EXT2: variants seen among roughly 807,000 people sequenced by gnomAD.
The protein encoded by EXT2 is exostosin-2.
In EXT2, 53 loss-of-function variants were observed where a neutral mutation model predicts 81.6. The ratio of observed to expected loss-of-function variants is 0.65; its 90% CI spans 0.52 to 0.82. The LOEUF is 0.82. Ranked by LOEUF, EXT2 falls within the 40% of genes least tolerant of loss-of-function variation. EXT2 has a pLI of 0.00. For synonymous variants in EXT2, 320 were observed against 340.0 expected (o/e 0.94, Z 0.65); for missense variants, 774 against 910.2 (o/e 0.85, Z 1.93).
At chr11:44,131,589 A>G (rs2135033298) in intron 7 of EXT2, among the ~76,000 whole-genome samples, 1 of 152,298 alleles carries the variant, frequency 6.6e-6, no homozygotes, top group East Asian at 1.9e-4. Flanking sequence ...GGGTTTCCCA[A>G]TTGTTATTTA....
rs2134984995 is a variant in EXT2 at position 44,114,252 on chromosome 11, G to A, written c.694G>A (p.Val232Ile). The change falls in exon 4 of 14, where the codon GTC becomes ATC. Residue 232 changes from valine to isoleucine, a missense_variant. Val to Ile is a conservative substitution (Grantham distance 29). Transcript: ENST00000533608. ...YRQGYDVSIP[V>I]YSPLSAEVDL... ...GCAAGGCTACGATGTCAGCATTCCTGTCTATAGTCCACTGTCAGCTGAGGT... is the reference window on the plus strand; with the variant it reads ...GCAAGGCTACGATGTCAGCATTCCTATCTATAGTCCACTGTCAGCTGAGGT... 1 of 1,614,110 alleles carries A rather than the reference G, an allele frequency of 6.2e-7. No homozygotes were observed. The highest frequency in any genetic ancestry group is 8.5e-7 in the Non-Finnish European group (1 of 1,179,982).
In EXT2 at chr11:44,248,592, G is replaced by T. The variant is rs575073741; in HGVS notation, c.*4305G>T. 2.6e-4 allele frequency among the ~76,000 whole-genome samples: 39 copies of T among 152,326 alleles called. No individual in the cohort carries two copies. The highest frequency in any genetic ancestry group is 8.7e-4 in the African/African-American group (36 of 41,570). On this transcript the variant is annotated 3_prime_UTR_variant, in exon 14 of 14. Coordinates refer to ENST00000533608, the MANE Select transcript of EXT2 (RefSeq NM_207122.2). Reference sequence around the variant, plus strand: ...GCTTATCTTGGCAGAGGAAAGTCAGGCAGGCAAGACCCACTCTAAATTTTA... The same window carrying T: ...GCTTATCTTGGCAGAGGAAAGTCAGTCAGGCAAGACCCACTCTAAATTTTA...
intron 7 of EXT2, among the ~76,000 whole-genome samples, chr11:44,169,485 T>A (rs1033615667): frequency 6.6e-6 from 1 of 152,084 alleles, no homozygotes; most frequent in African/African-American, 2.4e-5. Flanking sequence ...ATAATAAAAA[T>A]TTTTTGATCA....
intron 8 of EXT2, among the ~76,000 whole-genome samples, chr11:44,185,140 C>G (rs1955292868): frequency 6.6e-6 from 1 of 152,162 alleles, no homozygotes; most frequent in African/African-American, 2.4e-5. Context: ...GTTTAATGTA[C>G]AAGTCTCACT....
chr11:44,148,999 G>A (rs1198809611), intron 7 of EXT2, among the ~76,000 whole-genome samples: 2 of 152,128 alleles, frequency 1.3e-5, no homozygotes, highest in East Asian at 1.9e-4. Context: ...CTGCCTTTTT[G>A]TAATGTTTTC....
At chr11:44,168,061 A>C (rs1483640735) in intron 7 of EXT2, among the ~76,000 whole-genome samples, 1 of 150,764 alleles carries the variant, frequency 6.6e-6, no homozygotes, top group Non-Finnish European at 1.5e-5. Flanking sequence ...TATGAGTGAG[A>C]ATATGCGGTG....
chr11:44,182,232 A>G (rs151177488), intron 8 of EXT2, among the ~76,000 whole-genome samples: 3 of 152,178 alleles, frequency 2.0e-5, no homozygotes, highest in African/African-American at 7.2e-5. Context: ...TCTAGAATAT[A>G]AACCTCCCTT....
In EXT2 at chr11:44,249,563, C is replaced by T. The variant is rs1956123575; in HGVS notation, c.*5276C>T. Among the ~76,000 whole-genome samples the T allele has an allele frequency of 2.0e-5, 3 of 152,184 alleles. No homozygotes were observed. Among genetic ancestry groups the T allele is most frequent in the African/African-American group, 7.2e-5 (3 of 41,430 alleles). Reference sequence around the variant, plus strand: ...CAAAGCCACCAGTCAGGCCTTGCCACCATATAGAACCTTCCCTTTAGAATA... The same window carrying T: ...CAAAGCCACCAGTCAGGCCTTGCCATCATATAGAACCTTCCCTTTAGAATA... On this transcript the variant is annotated 3_prime_UTR_variant, in exon 14 of 14. Transcript: ENST00000533608.
chr11:44,120,074 A>G (rs1040997179), intron 4 of EXT2, among the ~76,000 whole-genome samples: 16 of 152,230 alleles, frequency 1.1e-4, no homozygotes, highest in African/African-American at 3.9e-4. Context: ...GTGAAAATAA[A>G]ACAAAGGAGA....
At chr11:44,099,208 C>T (rs946018462) in intron 1 of EXT2, among the ~76,000 whole-genome samples, 3 of 152,020 alleles carry the variant, frequency 2.0e-5, no homozygotes, top group South Asian at 2.1e-4. Context: ...GTTTTTGAGA[C>T]GGAGTCTCGC....
chr11:44,231,578 G>A (rs141369062), intron 10 of EXT2, among the ~76,000 whole-genome samples: 47 of 152,256 alleles, frequency 3.1e-4, no homozygotes, highest in African/African-American at 1.1e-3. Context: ...GCCTAGGACC[G>A]AATTCTCAGA....
At chr11:44,177,396 C>T (rs938023412) in intron 8 of EXT2, among the ~76,000 whole-genome samples, 2 of 152,206 alleles carry the variant, frequency 1.3e-5, no homozygotes, top group African/African-American at 4.8e-5. Flanking sequence ...GGTCTTGCCT[C>T]TTGGCAGACC....
At chr11:44,189,387 C>T (rs1054414116) in intron 8 of EXT2, among the ~76,000 whole-genome samples, 1 of 152,156 alleles carries the variant, frequency 6.6e-6, no homozygotes, top group African/African-American at 2.4e-5. Flanking sequence ...AGTCTGTTCT[C>T]ACATCACTGT....
At chr11:44,128,501 A>G (rs933457762) in intron 6 of EXT2, among the ~76,000 whole-genome samples, 1 of 152,194 alleles carries the variant, frequency 6.6e-6, no homozygotes, top group Non-Finnish European at 1.5e-5. Context: ...TCTCAGGGAC[A>G]CTCATAGTGT....
At chr11:44,166,872 T>C (rs1048554375) in intron 7 of EXT2, among the ~76,000 whole-genome samples, 4 of 152,342 alleles carry the variant, frequency 2.6e-5, no homozygotes, top group African/African-American at 9.6e-5. Flanking sequence ...AACTGCCTTC[T>C]TTCAAAAGAC....
rs571624434 is a variant in EXT2, at chr11:44,175,219, T to C, written c.1305+3477T>C. ...TATCTGGAAAAATGGACTGTTCTAATTGGTAAGTGAGGGAGAAGTTCAGAA... is the reference window on the plus strand; with the variant it reads ...TATCTGGAAAAATGGACTGTTCTAACTGGTAAGTGAGGGAGAAGTTCAGAA... On this transcript the variant is annotated intron_variant, in intron 8 of 13. Coordinates refer to ENST00000533608, the MANE Select transcript of EXT2 (RefSeq NM_207122.2). Among the ~76,000 whole-genome samples, 10 of 152,264 alleles carry C rather than the reference T, an allele frequency of 6.6e-5. No homozygotes were observed. The South Asian group carries it at 1.7e-3, about 25-fold the overall frequency.
intron 8 of EXT2, among the ~76,000 whole-genome samples, chr11:44,174,387 G>T (rs1484296329): frequency 1.3e-5 from 2 of 151,776 alleles, no homozygotes; most frequent in Non-Finnish European, 2.9e-5. Context: ...AGAAAGATTT[G>T]TCTTTCTGGT....
At chr11:44,143,742 C>T (rs567071938) in intron 7 of EXT2, among the ~76,000 whole-genome samples, 5 of 152,294 alleles carry the variant, frequency 3.3e-5, no homozygotes, top group South Asian at 2.1e-4. Flanking sequence ...TGGACCTACA[C>T]GATTCTCAAT....
At chr11:44,206,360 G>C (rs778074449) in intron 9 of EXT2, among the ~76,000 whole-genome samples, 5 of 152,190 alleles carry the variant, frequency 3.3e-5, no homozygotes, top group African/African-American at 4.8e-5. Context: ...CCAGAGGTGG[G>C]TAGAGTTCTG....
Sources: allele counts gnomAD v4.1 joint callset (sites outside exome capture counted in the v4.1 genomes callset), GRCh38; gene constraint gnomAD v4.1.1; transcripts MANE v1.5; gene names NCBI Gene and HGNC (gene_info 2026-07-23, HGNC 2026-07-21).